MARCHF1: variants seen among roughly 807,000 people sequenced by gnomAD.
The protein encoded by MARCHF1 is membrane associated ring-CH-type finger 1, also known as E3 ubiquitin-protein ligase MARCHF1.
MARCHF1 carries 40 observed loss-of-function variants against 54.2 expected under a neutral mutation model. That is an observed-to-expected ratio of 0.74 (90% CI 0.57 to 0.96). The LOEUF is 0.96. Ranked by LOEUF, MARCHF1 falls within the 40% of genes least tolerant of loss-of-function variation. MARCHF1 has a pLI of 0.00. For synonymous variants in MARCHF1, 236 were observed against 236.3 expected, an observed-to-expected ratio of 1.00 and a Z score of 0.01; for missense variants, 586 against 656.5, an observed-to-expected ratio of 0.89 and a Z score of 1.17.
intron 1 of MARCHF1, among the ~76,000 whole-genome samples, chr4:164,237,343 G>C (rs945750523): frequency 1.3e-5 from 2 of 152,022 alleles, no homozygotes; most frequent in Admixed American, 1.3e-4. Flanking sequence ...CTGCTATTTT[G>C]TTTGATATTT....
intron 8 of MARCHF1, among the ~76,000 whole-genome samples, chr4:163,582,333 T>C (rs1282523908): frequency 6.6e-6 from 1 of 152,226 alleles, no homozygotes; most frequent in Non-Finnish European, 1.5e-5. Flanking sequence ...TGAAAATTGC[T>C]TTTCCTTGGA....
At chr4:164,316,981 A>G (rs1267138535) in intron 1 of MARCHF1, among the ~76,000 whole-genome samples, 2 of 152,194 alleles carry the variant, frequency 1.3e-5, no homozygotes, top group African/African-American at 2.4e-5. Flanking sequence ...CCATGAGCCA[A>G]TTAAGCCTCT....
At chr4:163,963,570 G>A (rs1054176448) in intron 3 of MARCHF1, among the ~76,000 whole-genome samples, 20 of 151,828 alleles carry the variant, frequency 1.3e-4, no homozygotes, top group Admixed American at 3.3e-4. Context: ...ATAGCTAGTC[G>A]TCAAAGATGG....
chr4:163,992,281 A>AT (rs1222441460), intron 2 of MARCHF1, among the ~76,000 whole-genome samples: 1 of 152,138 alleles, frequency 6.6e-6, no homozygotes, highest in Non-Finnish European at 1.5e-5. Context: ...CAGGTAATGT[A>AT]TAAAATTATG....
At chr4:164,015,696 T>C (rs1579462347) in intron 2 of MARCHF1, among the ~76,000 whole-genome samples, 1 of 151,556 alleles carries the variant, frequency 6.6e-6, no homozygotes, top group African/African-American at 2.4e-5. Flanking sequence ...AAATGGCCAA[T>C]AGTATATGAA....
intron 1 of MARCHF1, among the ~76,000 whole-genome samples, chr4:164,113,224 G>A (rs1248888740): frequency 1.3e-5 from 2 of 152,068 alleles, no homozygotes; most frequent in Admixed American, 6.6e-5. Context: ...ATCATTGGGT[G>A]CATTAGCATA....
intron 1 of MARCHF1, among the ~76,000 whole-genome samples, chr4:164,270,843 G>A (rs199992719): frequency 0.34 from 51,844 of 151,898 alleles, 10,753 homozygotes; most frequent in East Asian, 0.64. Flanking sequence ...AAATCTTAGC[G>A]TTCCTCTTAG....
chr4:163,770,718 G>A (rs971419427), intron 4 of MARCHF1, among the ~76,000 whole-genome samples: 1 of 152,062 alleles, frequency 6.6e-6, no homozygotes, highest in Non-Finnish European at 1.5e-5. Context: ...TAGAAGCAAA[G>A]AACTAATAAA....
chr4:164,301,495 C>CA (rs2111396359), intron 1 of MARCHF1, among the ~76,000 whole-genome samples: 1 of 152,200 alleles, frequency 6.6e-6, no homozygotes, highest in Non-Finnish European at 1.5e-5. Context: ...AAATGTCAAC[C>CA]AAATAGAAAA....
intron 1 of MARCHF1, among the ~76,000 whole-genome samples, chr4:164,330,991 A>AT (rs1418378606): frequency 2.6e-5 from 4 of 152,170 alleles, no homozygotes; most frequent in Non-Finnish European, 2.9e-5. Flanking sequence ...AAAGCTTTAC[A>AT]TTTTTTTGTG....
intron 3 of MARCHF1, among the ~76,000 whole-genome samples, chr4:163,893,856 T>C (rs1750718424): frequency 6.6e-6 from 1 of 152,136 alleles, no homozygotes. Flanking sequence ...AGCCACCATA[T>C]GTCAGGCAGC....
At chr4:163,911,278 T>G (rs1751183809) in intron 3 of MARCHF1, among the ~76,000 whole-genome samples, 1 of 152,140 alleles carries the variant, frequency 6.6e-6, no homozygotes, top group Non-Finnish European at 1.5e-5. Context: ...AAACTGCACA[T>G]ACATGGTATT....
chr4:164,203,514 C>G (rs1731514843), intron 1 of MARCHF1, among the ~76,000 whole-genome samples: 1 of 152,210 alleles, frequency 6.6e-6, no homozygotes, highest in Admixed American at 6.5e-5. Flanking sequence ...CGATTGCAGT[C>G]TTGAAATGAT....
chr4:163,790,856 G>T (rs988623111), intron 4 of MARCHF1, among the ~76,000 whole-genome samples: 1 of 152,100 alleles, frequency 6.6e-6, no homozygotes, highest in African/African-American at 2.4e-5. Flanking sequence ...AGGTGACCTG[G>T]TTGAAGGGGT....
At chr4:163,973,682 T>C (rs1020326797) in intron 3 of MARCHF1, among the ~76,000 whole-genome samples, 4 of 152,222 alleles carry the variant, frequency 2.6e-5, no homozygotes, top group African/African-American at 9.6e-5. Flanking sequence ...TCAATCTTAA[T>C]ACTAAAAAAT....
At chr4:163,591,893 T>C (rs1431856577) in intron 7 of MARCHF1, among the ~76,000 whole-genome samples, 4 of 152,276 alleles carry the variant, frequency 2.6e-5, no homozygotes, top group South Asian at 2.1e-4. Context: ...CAAACTGATC[T>C]GCAGTGGAAA....
intron 8 of MARCHF1, among the ~76,000 whole-genome samples, chr4:163,569,473 G>A (rs1739760953): frequency 6.6e-6 from 1 of 152,162 alleles, no homozygotes; most frequent in African/African-American, 2.4e-5. Flanking sequence ...AACTTATAGT[G>A]TAAACATACT....
chr4:164,327,966 C>T (rs1025251619), intron 1 of MARCHF1, among the ~76,000 whole-genome samples: 1 of 152,128 alleles, frequency 6.6e-6, no homozygotes, highest in Non-Finnish European at 1.5e-5. Context: ...TGCAGCTAGG[C>T]TTCGCACCTG....
At chr4:163,651,526 T>C (rs1218105046) in intron 5 of MARCHF1, among the ~76,000 whole-genome samples, 2 of 50,648 alleles carry the variant, frequency 3.9e-5, no homozygotes, top group Non-Finnish European at 6.2e-5. Context: ...AGTACCATAC[T>C]TTTTTTTTTT....
Sources: gnomAD v4.1 joint callset for allele counts (sites outside exome capture counted in the v4.1 genomes callset) on GRCh38, gnomAD v4.1.1 for gene constraint, MANE v1.5 for transcripts, NCBI Gene and HGNC (gene_info 2026-07-23, HGNC 2026-07-21) for gene names.